FAM217A: variants seen among roughly 807,000 people sequenced by gnomAD.
FAM217A encodes the protein protein FAM217A.
A neutral mutation model predicts 18.5 loss-of-function variants in FAM217A; 13 were observed. The ratio of observed to expected loss-of-function variants is 0.70; its 90% CI spans 0.46 to 1.12. The LOEUF (loss-of-function observed/expected upper bound fraction) is 1.12. Ranked by LOEUF, FAM217A falls within the 50% of genes most tolerant of loss-of-function variation. The pLI, the probability that FAM217A is intolerant of heterozygous loss-of-function variation, is 0.00. For synonymous variants in FAM217A, 161 were observed against 202.8 expected (o/e 0.79, Z 1.75); for missense variants, 560 against 575.4 (o/e 0.97, Z 0.27).
chr6:4,068,954 T>C lies in FAM217A; in HGVS notation c.1269A>G (p.Thr423=). ...ELSFKPTIGH[T]NQSMVKMVST... ...AGACCATTTTAACCATTGATTGATT[T>C]GTATGGCCAATAGTAGGTTTGAATG... The change falls in exon 7 of 7, where the codon ACA becomes ACG. Residue 423 remains threonine (T), a synonymous_variant. Transcript: ENST00000274673. 6.2e-7 allele frequency: 1 copy of C among 1,614,202 alleles called. No homozygotes were observed. Among genetic ancestry groups the C allele is most frequent in the South Asian group, 1.1e-5 (1 of 91,084 alleles).
At chr6:4,079,547 G>A, upstream of FAM217A, 2 of 1,219,598 alleles carry the variant, frequency 1.6e-6, no homozygotes, top group Non-Finnish European at 2.2e-6. Flanking sequence ...GAGGCCTCCA[G>A]GCCCTTCCCT....
intron 1 of FAM217A, among the ~76,000 whole-genome samples, chr6:4,078,049 C>CTTTTTTT (rs10600748): frequency 1.8e-5 from 2 of 113,998 alleles, no homozygotes; most frequent in African/African-American, 7.4e-5. Flanking sequence ...GAAAGAATCA[C>CTTTTTTT]TTTTTTTTTT....
chr6:4,069,787 G>A lies in FAM217A; in HGVS notation c.436C>T (p.Pro146Ser), dbSNP rs763923969. Reference sequence around the variant, plus strand: ...GCATAGGGCCAGCAGAGACCTAATGGCATTGGCAGTCCAGGGTAAGGACCA... The same window carrying A: ...GCATAGGGCCAGCAGAGACCTAATGACATTGGCAGTCCAGGGTAAGGACCA... ...QVGPYPGLPM[P>S]LGLCWPYADG... The change falls in exon 7 of 7, where the codon CCA becomes TCA. Residue 146 changes from proline (P) to serine (S), a missense_variant. Pro to Ser is a moderately conservative substitution (Grantham distance 74). Coordinates refer to ENST00000274673, the MANE Select transcript of FAM217A (RefSeq NM_173563.3). The A allele has an allele frequency of 1.2e-5, 19 of 1,614,040 alleles. No individual in the cohort carries two copies. Among genetic ancestry groups the A allele is most frequent in the Admixed American group, 1.7e-5 (1 of 60,010 alleles).
rs1434400846 is a variant in FAM217A at position 4,069,472 on chromosome 6, A to T, written c.751T>A (p.Phe251Ile). Residue 251 changes from phenylalanine (F) to isoleucine (I), a missense_variant, in exon 7 of 7, where the codon TTT becomes ATT. Phe to Ile is a conservative substitution (Grantham distance 21, BLOSUM62 0). Transcript: ENST00000274673. Reference protein sequence around the residue: ...EPNEVFPYPDFLPPPFSALDL... With the variant: ...EPNEVFPYPDILPPPFSALDL... ...AGAGCACTGAAAGGAGGAGGGAGAA[A>T]ATCAGGATATGGAAATACTTCATTT... The T allele has an allele frequency of 6.2e-7, 1 of 1,614,154 alleles. No individual in the cohort carries two copies. The highest frequency in any genetic ancestry group is 8.5e-7 in the Non-Finnish European group (1 of 1,180,020).
At position 4,078,830 on chromosome 6, in the gene FAM217A, G is replaced by C. The variant is rs528997458; in HGVS notation, c.-35+22C>G. On this transcript the variant is annotated intron_variant, in intron 1 of 6. Transcript: ENST00000274673. ...GCAGGAGGGGGCTGCGGGATTCCCCGGGGCCGGGGCTCTCAACCCACCGCG... is the reference window on the plus strand; with the variant it reads ...GCAGGAGGGGGCTGCGGGATTCCCCCGGGCCGGGGCTCTCAACCCACCGCG... The C allele has an allele frequency of 1.7e-4, 77 of 449,352 alleles. No homozygotes were observed. The East Asian group carries it at 2.7e-3, about 16-fold the overall frequency. 27.8% of individuals were successfully genotyped at this position (449,352 alleles called of 1,614,324 possible).
upstream of FAM217A, chr6:4,079,523 C>A (rs1770115880): frequency 4.0e-6 from 4 of 988,644 alleles, no homozygotes; most frequent in South Asian, 5.6e-5. Flanking sequence ...CTTGACCCTC[C>A]CCAGGCCTTC....
chr6:4,073,940 G>A (rs1353709396), intron 4 of FAM217A, among the ~76,000 whole-genome samples: 5 of 152,066 alleles, frequency 3.3e-5, no homozygotes, highest in East Asian at 3.9e-4. Flanking sequence ...TCTGTTTCCC[G>A]GGCTCAAGCG....
chr6:4,076,725 G>A (rs929737595), intron 2 of FAM217A, among the ~76,000 whole-genome samples: 7 of 152,044 alleles, frequency 4.6e-5, no homozygotes, highest in Non-Finnish European at 7.4e-5. Flanking sequence ...AAAATTAGCC[G>A]GGCGTGGTGG....
At chr6:4,082,498 C>G (rs760099492), upstream of FAM217A, among the ~76,000 whole-genome samples, 1 of 152,196 alleles carries the variant, frequency 6.6e-6, no homozygotes, top group Non-Finnish European at 1.5e-5. Context: ...CCAAAGCCAG[C>G]CATAAAACCT....
At chr6:4,070,309 A>G (rs1435605263) in intron 6 of FAM217A, among the ~76,000 whole-genome samples, 1 of 152,232 alleles carries the variant, frequency 6.6e-6, no homozygotes, top group Non-Finnish European at 1.5e-5. Flanking sequence ...TTAAAGTGAA[A>G]TGTTTATTGA....
chr6:4,084,724 C>A, exon 2 of FAM217A: 1 of 703,022 alleles, frequency 1.4e-6, no homozygotes, highest in Non-Finnish European at 2.6e-6. Context: ...CATTACTGAA[C>A]ACCTTGCCTT....
chr6:4,069,309 C>G lies in FAM217A; in HGVS notation c.914G>C (p.Arg305Thr). Residue 305 changes from arginine to threonine, a missense_variant, in exon 7 of 7, where the codon AGG becomes ACG. By Grantham distance (71) the Arg-to-Thr change is moderately conservative. Transcript: ENST00000274673. ...ACAGAAAGTCGTTTGTAGTCTTGGC[C>G]TCTCTTTTTGAATAGTCATATGTTG... ...RLQHMTIQKE[R>T]PRLQTTFCTP... is the part of the protein sequence containing the mutation. 1.2e-6 allele frequency: 2 copies of G among 1,614,166 alleles called. No homozygotes were observed. Among genetic ancestry groups the G allele is most frequent in the South Asian group, 2.2e-5 (2 of 91,080 alleles).
chr6:4,076,338 G>GA (rs796414665), intron 2 of FAM217A, among the ~76,000 whole-genome samples: 29,233 of 101,460 alleles, frequency 0.29, 4,065 homozygotes, highest in African/African-American at 0.48. Flanking sequence ...CAAAAAAAAA[G>GA]AAAAAAAAAA....
In FAM217A at chr6:4,074,456, C is replaced by T; in HGVS notation, c.146G>A (p.Gly49Asp). ...ATTCATCCTTACCTTGTTAATTTTG[C>T]CTGAAATGTGTATAAAAAATGACAA... ...LPAGRDGAAG[G>D]KINKNYLEIP... The change falls in exon 4 of 7, where the codon GGC (glycine) becomes GAC (aspartate). Residue 49 changes from glycine to aspartate, a missense_variant and splice_region_variant. Coordinates refer to ENST00000274673, the MANE Select transcript of FAM217A (RefSeq NM_173563.3). 1.3e-6 allele frequency: 2 copies of T among 1,582,070 alleles called. No individual in the cohort carries two copies. The highest frequency in any genetic ancestry group is 1.7e-6 in the Non-Finnish European group (2 of 1,153,222).
chr6:4,077,272 A>T, intron 2 of FAM217A, 83 bp downstream of exon 2: 2 of 1,365,102 alleles, frequency 1.5e-6, no homozygotes, highest in Non-Finnish European at 2.1e-6. Flanking sequence ...CAAGGGCATC[A>T]CTACAAGAAA....
At chr6:4,085,664 C>A (rs1451746181) in intron 1 of FAM217A, among the ~76,000 whole-genome samples, 3 of 152,140 alleles carry the variant, frequency 2.0e-5, no homozygotes, top group East Asian at 1.9e-4. Context: ...ATATTCTACC[C>A]CCTTCTCCCC....
chr6:4,074,936 TCA>T (rs1279785684), intron 2 of FAM217A, among the ~76,000 whole-genome samples: 1 of 149,488 alleles, frequency 6.7e-6, no homozygotes, highest in Non-Finnish European at 1.5e-5. Flanking sequence ...ACACAGGTTT[TCA>T]AAATTGATTT....
At position 4,073,289 on chromosome 6, in the gene FAM217A, ACTTC is replaced by A. The variant is rs764565580; in HGVS notation, c.284_287del (p.Gly95ValfsTer3). 1.7e-5 allele frequency: 27 copies of A among 1,607,840 alleles called. No homozygotes were observed. Among genetic ancestry groups the A allele is most frequent in the Non-Finnish European group, 2.3e-5 (27 of 1,178,168 alleles). On this transcript the variant is annotated frameshift_variant, in exon 6 of 7. Coordinates refer to ENST00000274673, the MANE Select transcript of FAM217A (RefSeq NM_173563.3). LOFTEE classifies it low-confidence loss of function (END_TRUNC). Reference sequence around the variant, plus strand: ...TACTCGCTTACCTCTTCTCTATGGTACTTCCTTCATTAAGAGGACAATTCCATAA... The same window carrying A: ...TACTCGCTTACCTCTTCTCTATGGTACTTCATTAAGAGGACAATTCCATAA...
intron 1 of FAM217A, among the ~76,000 whole-genome samples, chr6:4,086,146 A>G (rs921780228): frequency 1.3e-5 from 2 of 151,990 alleles, no homozygotes; most frequent in African/African-American, 4.8e-5. Context: ...GAAAAAAGGA[A>G]AAAAGAGAAA....
Sources: gnomAD v4.1 joint callset for allele counts (sites outside exome capture counted in the v4.1 genomes callset) on GRCh38, gnomAD v4.1.1 for gene constraint, MANE v1.5 for transcripts, NCBI Gene and HGNC (gene_info 2026-07-23, HGNC 2026-07-21) for gene names.